Variants in CDKAL1 observed in about 807,000 individuals in gnomAD.
The protein encoded by CDKAL1 is CDKAL1 threonylcarbamoyladenosine tRNA methylthiotransferase, also known as threonylcarbamoyladenosine tRNA methylthiotransferase.
Under a neutral mutation model 68.2 loss-of-function variants are expected in CDKAL1, and 32 were observed. That is an observed-to-expected ratio of 0.47 (90% confidence interval 0.35 to 0.63). The LOEUF is 0.63. CDKAL1 is among the 30% of genes least tolerant of loss of function. CDKAL1 has a pLI of 0.00. For missense variants in CDKAL1, 606 were observed against 696.7 expected, an observed-to-expected ratio of 0.87 and a Z score of 1.47; for synonymous variants, 234 against 244.3, an observed-to-expected ratio of 0.96 and a Z score of 0.39.
intron 10 of CDKAL1, among the ~76,000 whole-genome samples, chr6:20,965,231 G>A (rs1039019336): frequency 6.6e-6 from 1 of 151,646 alleles, no homozygotes; most frequent in Non-Finnish European, 1.5e-5. Context: ...ATTATCACTT[G>A]GACCCAGGAG....
chr6:20,597,886 T>G (rs939352937), intron 4 of CDKAL1, among the ~76,000 whole-genome samples: 8 of 152,228 alleles, frequency 5.3e-5, no homozygotes, highest in Non-Finnish European at 1.0e-4. Context: ...ATTCAGGGCT[T>G]TAGACACGAT....
intron 8 of CDKAL1, among the ~76,000 whole-genome samples, chr6:20,845,018 C>T (rs1296944183): frequency 6.6e-6 from 1 of 152,172 alleles, no homozygotes; most frequent in African/African-American, 2.4e-5. Context: ...TGTTACTTTA[C>T]TTAAGGATCC....
chr6:20,807,006 A>G (rs1776599923), intron 8 of CDKAL1, among the ~76,000 whole-genome samples: 1 of 152,156 alleles, frequency 6.6e-6, no homozygotes, highest in African/African-American at 2.4e-5. Flanking sequence ...GATACTGATG[A>G]AAGTATTTGT....
At chr6:20,727,649 A>C (rs1483223156) in intron 5 of CDKAL1, among the ~76,000 whole-genome samples, 1 of 152,206 alleles carries the variant, frequency 6.6e-6, no homozygotes, top group Non-Finnish European at 1.5e-5. Context: ...ACACCTTTAC[A>C]AATGGAACTT....
intron 4 of CDKAL1, among the ~76,000 whole-genome samples, chr6:20,642,380 G>A (rs531341316): frequency 6.0e-5 from 9 of 149,692 alleles, no homozygotes; most frequent in Non-Finnish European, 8.9e-5. Context: ...CCTATGTGGC[G>A]TATGTGTATG....
intron 13 of CDKAL1, among the ~76,000 whole-genome samples, chr6:21,113,336 C>T (rs1774217019): frequency 6.6e-6 from 1 of 152,042 alleles, no homozygotes; most frequent in Non-Finnish European, 1.5e-5. Context: ...AGTATTACTA[C>T]AGAGAGTGGT....
At chr6:20,628,868 T>C (rs955472486) in intron 4 of CDKAL1, among the ~76,000 whole-genome samples, 3 of 152,054 alleles carry the variant, frequency 2.0e-5, no homozygotes, top group Non-Finnish European at 4.4e-5. Flanking sequence ...TTTTTTTTTG[T>C]TTTTTGCCTT....
At chr6:20,688,135 C>G (rs1222879627) in intron 5 of CDKAL1, among the ~76,000 whole-genome samples, 1 of 151,962 alleles carries the variant, frequency 6.6e-6, no homozygotes, top group Non-Finnish European at 1.5e-5. Flanking sequence ...CCCTCACCCC[C>G]CACCTCTGGC....
In CDKAL1 at chr6:20,955,494, C is replaced by T. The variant is rs987035728; in HGVS notation, c.818C>T (p.Thr273Ile). Reference sequence around the variant, plus strand: ...AGAGATATTGGCACCAATCTCCCCACACTCCTGTGGAAACTGGTTGAAGTG... The same window carrying T: ...AGAGATATTGGCACCAATCTCCCCATACTCCTGTGGAAACTGGTTGAAGTG... ...YGRDIGTNLPTLLWKLVEVIP... is the reference protein window; with the variant it reads ...YGRDIGTNLPILLWKLVEVIP... Residue 273 changes from threonine (T) to isoleucine (I), a missense_variant, in exon 10 of 16, where the codon ACA becomes ATA. Coordinates refer to ENST00000274695, the MANE Select transcript of CDKAL1 (RefSeq NM_017774.3). 6 of 1,614,138 alleles carry T rather than the reference C, an allele frequency of 3.7e-6. No homozygotes were observed.
At chr6:21,124,849 C>A (rs903791485) in intron 13 of CDKAL1, among the ~76,000 whole-genome samples, 14 of 151,994 alleles carry the variant, frequency 9.2e-5, no homozygotes, top group African/African-American at 3.4e-4. Context: ...GACTGTTGAT[C>A]CCCTGTGTAA....
At chr6:20,571,080 A>T (rs536835046) in intron 4 of CDKAL1, among the ~76,000 whole-genome samples, 2 of 152,314 alleles carry the variant, frequency 1.3e-5, no homozygotes, top group South Asian at 4.1e-4. Flanking sequence ...GGGGAAGCTT[A>T]TGTGAATCTC....
At chr6:20,911,930 T>G (rs539183422) in intron 9 of CDKAL1, among the ~76,000 whole-genome samples, 1 of 152,168 alleles carries the variant, frequency 6.6e-6, no homozygotes, top group Non-Finnish European at 1.5e-5. Context: ...AGATTTATTA[T>G]TTTTATTGGG....
At chr6:21,087,400 C>T (rs1772753538) in intron 12 of CDKAL1, among the ~76,000 whole-genome samples, 1 of 152,110 alleles carries the variant, frequency 6.6e-6, no homozygotes, top group Non-Finnish European at 1.5e-5. Context: ...GGCACAAACA[C>T]AGCTCCCTGC....
intron 8 of CDKAL1, among the ~76,000 whole-genome samples, chr6:20,842,926 A>G (rs1015830716): frequency 6.6e-6 from 1 of 152,250 alleles, no homozygotes; most frequent in Non-Finnish European, 1.5e-5. Flanking sequence ...TGAATTCTTC[A>G]TGTAATATTC....
At chr6:21,017,962 G>T (rs1768433726) in intron 11 of CDKAL1, among the ~76,000 whole-genome samples, 1 of 152,156 alleles carries the variant, frequency 6.6e-6, no homozygotes, top group South Asian at 2.1e-4. Flanking sequence ...ATAGGAATTT[G>T]ACATTTATAT....
At chr6:20,853,057 A>C (rs1274259103) in intron 9 of CDKAL1, among the ~76,000 whole-genome samples, 2 of 152,214 alleles carry the variant, frequency 1.3e-5, no homozygotes, top group Non-Finnish European at 2.9e-5. Context: ...GAAAATATGC[A>C]AATAAATGGA....
chr6:20,846,018 T>G, intron 8 of CDKAL1, 57 bp from the exon 9 acceptor site: 1 of 1,070,196 alleles, frequency 9.3e-7, no homozygotes, highest in Non-Finnish European at 1.4e-6. Context: ...TATCCCCATG[T>G]TAAGTATATG....
intron 9 of CDKAL1, among the ~76,000 whole-genome samples, chr6:20,905,012 T>C (rs1561873118): frequency 6.6e-6 from 1 of 152,068 alleles, no homozygotes; most frequent in South Asian, 2.1e-4. Flanking sequence ...ATTATTAGAT[T>C]CAAATGTCCA....
At chr6:20,823,852 A>G (rs1398237043) in intron 8 of CDKAL1, among the ~76,000 whole-genome samples, 4 of 152,290 alleles carry the variant, frequency 2.6e-5, no homozygotes, top group Admixed American at 6.5e-5. Context: ...AATGCCATAA[A>G]TAGAATGATG....
Sources: allele counts gnomAD v4.1 joint callset (sites outside exome capture counted in the v4.1 genomes callset), GRCh38; gene constraint gnomAD v4.1.1; transcripts MANE v1.5; gene names NCBI Gene and HGNC (gene_info 2026-07-23, HGNC 2026-07-21).